Variants in UNK observed in about 807,000 individuals in gnomAD.
UNK encodes the protein RING finger protein unkempt homolog.
UNK carries 32 observed loss-of-function variants against 97.6 expected under a neutral mutation model. The ratio of observed to expected loss-of-function variants is 0.33; its 90% CI spans 0.25 to 0.44. UNK has a LOEUF of 0.44. Ranked by LOEUF, UNK falls within the 20% of genes least tolerant of loss-of-function variation. The pLI, the probability that UNK is intolerant of heterozygous loss-of-function variation, is 1.00. For missense variants in UNK, 771 were observed against 1,098.4 expected (o/e 0.70, Z 4.21); for synonymous variants, 441 against 461.2 (o/e 0.96, Z 0.56).
chr17:75,802,250 T>TTTTTC (rs2061867687), intron 1 of UNK, among the ~76,000 whole-genome samples: 1 of 61,366 alleles, frequency 1.6e-5, no homozygotes, highest in African/African-American at 1.2e-4. Flanking sequence ...GTCTTTTTTT[T>TTTTTC]TTTTTTTTTT....
In UNK at chr17:75,818,145, C is replaced by A; in HGVS notation, c.1348C>A (p.Gln450Lys). The A allele has an allele frequency of 1.9e-6, 3 of 1,613,550 alleles. No homozygotes were observed. The highest frequency in any genetic ancestry group is 2.5e-6 in the Non-Finnish European group (3 of 1,179,780). The change falls in exon 10 of 16, where the codon CAG (glutamine) becomes AAG (lysine). Residue 450 changes from glutamine to lysine, a missense_variant. Transcript: ENST00000589666. This position sits in a 1 kb window ranked among gnomAD's most constrained non-coding sequence, Gnocchi z 5.1. Reference protein sequence around the residue: ...PHSLEPRSQEQPLLQPKQDML... With the variant: ...PHSLEPRSQEKPLLQPKQDML... ...CTCATTAGAGCCCAGGAGTCAAGAG[C>A]AGCCTCTGCTTCAGCCCAAACAGGT...
intron 1 of UNK, chr17:75,785,193 G>T: frequency 2.0e-6 from 1 of 508,872 alleles, no homozygotes; most frequent in Non-Finnish European, 3.4e-6. Context: ...CGGGAAACTC[G>T]GTCCCGGCCG....
chr17:75,823,791 C>T (rs2143838871), intron 15 of UNK, among the ~76,000 whole-genome samples: 1 of 152,302 alleles, frequency 6.6e-6, no homozygotes, highest in East Asian at 1.9e-4. Context: ...TGCCTGGGCC[C>T]CAAATGCGTC....
Position 75,813,750 on chromosome 17 carries a change from T to C in UNK, c.759-11T>C. 1 of 1,567,564 alleles carries C rather than the reference T, an allele frequency of 6.4e-7. No homozygotes were observed. Among genetic ancestry groups the C allele is most frequent in the Non-Finnish European group, 8.7e-7 (1 of 1,155,378 alleles). On this transcript the variant is annotated splice_polypyrimidine_tract_variant and intron_variant, in intron 5 of 15. Transcript: ENST00000589666. ...CCTTTCTCCATCTGACCCCACCCTC[T>C]TGTTGGCCAGGTCGTCTCCATGTCC...
intron 1 of UNK, among the ~76,000 whole-genome samples, chr17:75,795,150 G>A (rs559452986): frequency 5.3e-5 from 8 of 152,046 alleles, no homozygotes; most frequent in Non-Finnish European, 1.0e-4. Context: ...TTACATGATG[G>A]ATGTGTGTTC....
At chr17:75,808,291 A>G (rs557702821) in intron 1 of UNK, among the ~76,000 whole-genome samples, 1 of 152,290 alleles carries the variant, frequency 6.6e-6, no homozygotes, top group African/African-American at 2.4e-5. Flanking sequence ...TTTGCTTCAA[A>G]TGCCAAAGGG....
At chr17:75,793,753 C>G (rs2061781935) in intron 1 of UNK, 7 of 985,398 alleles carry the variant, frequency 7.1e-6, no homozygotes, top group Non-Finnish European at 8.4e-6. Flanking sequence ...CACCATAAGT[C>G]CTGACAAAAT....
At chr17:75,813,543 G>C (rs1014135573) in intron 5 of UNK, among the ~76,000 whole-genome samples, 1 of 152,190 alleles carries the variant, frequency 6.6e-6, no homozygotes, top group Non-Finnish European at 1.5e-5. Flanking sequence ...CTAGTGGGAG[G>C]GCCTGGCTGA....
At chr17:75,807,354 A>G (rs1457957318) in intron 1 of UNK, among the ~76,000 whole-genome samples, 1 of 152,154 alleles carries the variant, frequency 6.6e-6, no homozygotes, top group African/African-American at 2.4e-5. Flanking sequence ...GCCTGTGAAC[A>G]GCCACTGCAC....
At chr17:75,812,000 C>T in intron 2 of UNK, 112 bp from the exon 3 acceptor site, 1 of 1,335,148 alleles carries the variant, frequency 7.5e-7, no homozygotes, top group Non-Finnish European at 1.0e-6. Flanking sequence ...CAAAACAAAA[C>T]AAACAAACAA....
intron 6 of UNK, among the ~76,000 whole-genome samples, chr17:75,814,155 G>A (rs982381865): frequency 4.9e-5 from 7 of 142,514 alleles, no homozygotes; most frequent in Non-Finnish European, 6.2e-5. Context: ...TGGCGACCTG[G>A]CCACTCTGGG....
At chr17:75,811,614 G>A (rs755333387) in intron 2 of UNK, among the ~76,000 whole-genome samples, 1 of 152,066 alleles carries the variant, frequency 6.6e-6, no homozygotes, top group African/African-American at 2.4e-5. Flanking sequence ...GCAGCAGCAG[G>A]GCAGTTCTGT....
chr17:75,792,413 CT>C, intron 1 of UNK: 1 of 985,300 alleles, frequency 1.0e-6, no homozygotes, highest in Non-Finnish European at 1.2e-6. Context: ...AGTAGATTGT[CT>C]TCCCTTTTAA....
At chr17:75,820,898 T>C (rs2062061928) in intron 13 of UNK, among the ~76,000 whole-genome samples, 1 of 152,178 alleles carries the variant, frequency 6.6e-6, no homozygotes, top group African/African-American at 2.4e-5. Flanking sequence ...TTGGGTTTGG[T>C]GGCTTCCCTT....
chr17:75,820,636 G>A (rs956773400), intron 13 of UNK, among the ~76,000 whole-genome samples: 1 of 152,200 alleles, frequency 6.6e-6, no homozygotes, highest in African/African-American at 2.4e-5. Flanking sequence ...GAATTAGAAT[G>A]GTATGGAATG....
chr17:75,803,223 A>AC (rs2061879567), intron 1 of UNK, among the ~76,000 whole-genome samples: 1 of 138,614 alleles, frequency 7.2e-6, no homozygotes, highest in African/African-American at 2.9e-5. Flanking sequence ...ACACGGTGAA[A>AC]CCCCGTCTCT....
chr17:75,818,743 C>G lies in UNK; in HGVS notation c.1473C>G (p.Thr491=). Residue 491 remains threonine, a synonymous_variant, in exon 11 of 16, where the codon ACC becomes ACG. Transcript: ENST00000589666. The surrounding 1 kb of genome is among the most constrained non-coding windows in gnomAD (Gnocchi z 5.1). ...LAATPPSPVG[T]SSVPGMNANA... ...CTACCCCCCCTAGCCCAGTGGGCAC[C>G]AGCAGCGTCCCCGGCATGAATGCAA... 1.2e-6 allele frequency: 2 copies of G among 1,613,260 alleles called. No homozygotes were observed. Among genetic ancestry groups the G allele is most frequent in the Non-Finnish European group, 1.7e-6 (2 of 1,179,566 alleles).
Position 75,824,743 on chromosome 17 carries a change from C to T in UNK, c.*326C>T, listed in dbSNP as rs2062103341. 1 of 155,052 alleles carries T rather than the reference C, an allele frequency of 6.4e-6. No homozygotes were observed. Among genetic ancestry groups the T allele is most frequent in the Non-Finnish European group, 1.4e-5 (1 of 70,022 alleles). 9.6% of individuals were successfully genotyped at this position (155,052 alleles called of 1,614,324 possible). A position where few individuals can be genotyped will look rare whatever the true frequency, so the allele number is the denominator to read the frequency against. ...CCTGCCCTTCCCACTGCAGAGATGA[C>T]ATCCCCTCTTCTCCCACTGGCCTTT... On this transcript the variant is annotated 3_prime_UTR_variant, in exon 16 of 16. Coordinates refer to ENST00000589666, the MANE Select transcript of UNK (RefSeq NM_001080419.3). The surrounding 1 kb of genome is among the most constrained non-coding windows in gnomAD (Gnocchi z 4.9).
chr17:75,799,963 G>C (rs1401062661), intron 1 of UNK, among the ~76,000 whole-genome samples: 1 of 152,078 alleles, frequency 6.6e-6, no homozygotes, highest in African/African-American at 2.4e-5. Context: ...CCACAAAAAG[G>C]GGAAAAAAAA....
Sources: gnomAD v4.1 joint callset for allele counts (sites outside exome capture counted in the v4.1 genomes callset) on GRCh38, gnomAD v4.1.1 for gene constraint, Gnocchi (gnomAD v3.1) non-coding constraint, MANE v1.5 for transcripts, NCBI Gene and HGNC (gene_info 2026-07-23, HGNC 2026-07-21) for gene names.